RAI1: variants seen among roughly 807,000 people sequenced by gnomAD.
RAI1 encodes the protein retinoic acid induced 1, also known as retinoic acid-induced protein 1.
In RAI1, 9 loss-of-function variants were observed where a neutral mutation model predicts 123.8. The observed-to-expected ratio is 0.07, with a 90% CI of 0.04 to 0.13. The LOEUF (loss-of-function observed/expected upper bound fraction) is 0.13. Ranked by LOEUF, RAI1 falls within the 10% of genes least tolerant of loss-of-function variation. The pLI is 1.00. For synonymous variants in RAI1, 1,231 were observed against 1,127.3 expected, an observed-to-expected ratio of 1.09 and a Z score of -1.84; for missense variants, 2,256 against 2,545.8, an observed-to-expected ratio of 0.89 and a Z score of 2.45.
At chr17:17,792,829 G>T in intron 2 of RAI1, 104 bp from the exon 3 acceptor site, 5 of 967,498 alleles carry the variant, frequency 5.2e-6, no homozygotes, top group Non-Finnish European at 8.0e-6. Context: ...GCTTTCTGAG[G>T]CAAAAGGAAG....
In RAI1 at chr17:17,798,882, T is replaced by C. The variant is rs79914823; in HGVS notation, c.5565+369T>C. Among the ~76,000 whole-genome samples, 114 of 152,264 alleles carry C rather than the reference T, an allele frequency of 7.5e-4. 1 individual carries two copies. The East Asian group carries it at 0.015, about 21-fold the overall frequency. ...CCAGAGAACACGAGGACTCCCAAGA[T>C]TGAACATCAGGGCTGCCCCGGGCGG... On this transcript the variant is annotated intron_variant, in intron 3 of 5. Transcript: ENST00000353383.
intron 2 of RAI1, among the ~76,000 whole-genome samples, chr17:17,732,120 A>G (rs1598041751): frequency 1.3e-5 from 2 of 152,066 alleles, no homozygotes; most frequent in Non-Finnish European, 1.5e-5. Flanking sequence ...CTCCTTGCCA[A>G]TGAAAGGTTC....
In RAI1 at chr17:17,794,454, C is replaced by G; in HGVS notation, c.1506C>G (p.Ser502Arg). 1 of 1,612,540 alleles carries G rather than the reference C, an allele frequency of 6.2e-7. No individual in the cohort carries two copies. Among genetic ancestry groups the G allele is most frequent in the Non-Finnish European group, 8.5e-7 (1 of 1,179,822 alleles). The change falls in exon 3 of 6, where the codon AGC (serine) becomes AGG (arginine). Residue 502 changes from serine (S) to arginine (R), a missense_variant. Ser to Arg is a moderately radical substitution (Grantham distance 110, BLOSUM62 -1). Around this residue, in one of 7 missense-constraint regions of RAI1, gnomAD observed 357 missense variants for 480.2 expected, o/e 0.74. Transcript: ENST00000353383. ...GCACACCGCTGTCAGAGCCGCCGAG[C>G]AGCACGCCACAGTCCACGCATGCGG... ...PAGTPLSEPP[S>R]STPQSTHAEP...
At chr17:17,803,874 G>C (rs2032540770) in intron 4 of RAI1, 25 bp downstream of exon 4, 1 of 1,605,150 alleles carries the variant, frequency 6.2e-7, no homozygotes, top group African/African-American at 1.3e-5. Context: ...AGGAACAGGA[G>C]GGCATTGGAG....
At chr17:17,698,380 A>G (rs1381010552) in intron 1 of RAI1, among the ~76,000 whole-genome samples, 1 of 151,878 alleles carries the variant, frequency 6.6e-6, no homozygotes, top group East Asian at 1.9e-4. Context: ...TTGGGGCCCA[A>G]CTCTGGATTC....
At chr17:17,738,442 C>T (rs867804800) in intron 2 of RAI1, among the ~76,000 whole-genome samples, 9 of 152,150 alleles carry the variant, frequency 5.9e-5, no homozygotes, top group Middle Eastern at 3.4e-3. Context: ...CCTGTTTTCC[C>T]GGCTGCTGCG....
At chr17:17,728,204 C>T (rs1411879632) in intron 2 of RAI1, among the ~76,000 whole-genome samples, 3 of 151,960 alleles carry the variant, frequency 2.0e-5, no homozygotes, top group Non-Finnish European at 4.4e-5. Context: ...CACACTGTTT[C>T]CTCCTAATGG....
At chr17:17,734,643 G>C (rs527757741) in intron 2 of RAI1, among the ~76,000 whole-genome samples, 67 of 152,334 alleles carry the variant, frequency 4.4e-4, no homozygotes, top group African/African-American at 1.6e-3. Flanking sequence ...TTCCACTGCA[G>C]AGGTGTCAGG....
intron 1 of RAI1, among the ~76,000 whole-genome samples, chr17:17,702,404 G>A (rs1427740314): frequency 1.3e-5 from 2 of 152,206 alleles, no homozygotes; most frequent in Admixed American, 6.5e-5. Flanking sequence ...GCCAAGCCTC[G>A]GATGATGATT....
rs58147049 is a variant in RAI1, at chr17:17,800,180, GTCTCTCTCTCTCTCTCTCTCTC to G, written c.5565+1694_5565+1715del. Among the ~76,000 whole-genome samples the G allele has an allele frequency of 0.075, 8,736 of 116,486 alleles. 355 individuals are homozygous for G. Among genetic ancestry groups the G allele is most frequent in the African/African-American group, 0.1 (3,416 of 33,460 alleles). 76.4% of individuals were successfully genotyped at this position (116,486 alleles called of 152,430 possible). A position where few individuals can be genotyped will look rare whatever the true frequency, so the allele number is the denominator to read the frequency against. The stretch of plus-strand genomic sequence containing the variant: ...TCTCTCCTGCTTTCTGTCTCTCTCT[GTCTCTCTCTCTCTCTCTCTCTC>G]TCTCTCTCTCTCTCTCTCTCTCTCT... On this transcript the variant is annotated intron_variant, in intron 3 of 5. Transcript: ENST00000353383. This position sits in a 1 kb window ranked among gnomAD's most constrained non-coding sequence, Gnocchi z 4.7.
At chr17:17,765,813 C>G (rs2030904154) in intron 2 of RAI1, 1 of 152,252 alleles carries the variant, frequency 6.6e-6, no homozygotes, top group Non-Finnish European at 1.5e-5. Context: ...GGTGGTAAGA[C>G]TTACCCTGTT....
intron 2 of RAI1, among the ~76,000 whole-genome samples, chr17:17,750,659 G>A (rs2030120778): frequency 7.6e-6 from 1 of 132,314 alleles, no homozygotes; most frequent in East Asian, 2.3e-4. Context: ...AGGCGGAGGT[G>A]AGCTGAGATT....
chr17:17,709,463 C>T (rs1307643833), intron 1 of RAI1, among the ~76,000 whole-genome samples: 3 of 152,346 alleles, frequency 2.0e-5, no homozygotes, highest in Non-Finnish European at 2.9e-5. Context: ...CTGCCTGCCT[C>T]GGCCTCCCTG....
In RAI1 at chr17:17,800,287, A is replaced by G. The variant is rs567779344; in HGVS notation, c.5565+1774A>G. Among the ~76,000 whole-genome samples, 1 of 150,916 alleles carries G rather than the reference A, an allele frequency of 6.6e-6. No individual in the cohort carries two copies. The highest frequency in any genetic ancestry group is 2.1e-4 in the South Asian group (1 of 4,800). On this transcript the variant is annotated intron_variant, in intron 3 of 5. Coordinates refer to ENST00000353383, the MANE Select transcript of RAI1 (RefSeq NM_030665.4). The surrounding 1 kb of genome is among the most constrained non-coding windows in gnomAD (Gnocchi z 4.7). ...TTCAAGTCTCTCCCGTCATCAAAAA[A>G]TAATAACCCTCAGATCACCAGCCCC...
rs1301250259 is a variant in RAI1 at position 17,793,599 on chromosome 17, C to A, written c.651C>A (p.Pro217=). Reference sequence around the variant, plus strand: ...TTCCTCAGCATTCCCAGTCCTTCCCCACCTCCTCCACCTACTCCTCCTCTG... The same window carrying A: ...TTCCTCAGCATTCCCAGTCCTTCCCAACCTCCTCCACCTACTCCTCCTCTG... ...THFPQHSQSF[P]TSSTYSSSVQ... is the part of the protein sequence containing the mutation. Residue 217 remains proline (P), a synonymous_variant, in exon 3 of 6, where the codon CCC becomes CCA. Transcript: ENST00000353383. 6.2e-7 allele frequency: 1 copy of A among 1,613,512 alleles called. No homozygotes were observed. Among genetic ancestry groups the A allele is most frequent in the Admixed American group, 1.7e-5 (1 of 60,012 alleles).
chr17:17,726,785 G>A (rs1354293907), intron 2 of RAI1, among the ~76,000 whole-genome samples: 1 of 152,092 alleles, frequency 6.6e-6, no homozygotes, highest in Non-Finnish European at 1.5e-5. Flanking sequence ...GACAATGTTA[G>A]TATTTTGATG....
chr17:17,803,348 C>T (rs2032522465), intron 3 of RAI1, among the ~76,000 whole-genome samples: 1 of 152,128 alleles, frequency 6.6e-6, no homozygotes, highest in Non-Finnish European at 1.5e-5. Flanking sequence ...GCAGGGACCA[C>T]AGGGGGCCAG....
intron 1 of RAI1, among the ~76,000 whole-genome samples, chr17:17,700,871 G>GCTGCTGCCACTGACCCAGTGCCACC (rs1380898383): frequency 6.6e-6 from 1 of 152,230 alleles, no homozygotes; most frequent in Admixed American, 6.5e-5. Flanking sequence ...CTTCGGGACC[G>GCTGCTGCCACTGACCCAGTGCCACC]CTGCTGCCAC....
At chr17:17,766,817 CTG>C (rs1183408086) in intron 2 of RAI1, among the ~76,000 whole-genome samples, 2 of 152,220 alleles carry the variant, frequency 1.3e-5, no homozygotes, top group African/African-American at 4.8e-5. Flanking sequence ...AAAGGAGCCA[CTG>C]TCTCTGAGGC....
Sources: allele counts gnomAD v4.1 joint callset (sites outside exome capture counted in the v4.1 genomes callset), GRCh38; gene constraint gnomAD v4.1.1; regional missense constraint gnomAD v4.1.1; non-coding constraint Gnocchi (gnomAD v3.1); transcripts MANE v1.5; gene names NCBI Gene and HGNC (gene_info 2026-07-23, HGNC 2026-07-21).